Variants in SLC4A2 observed in about 807,000 individuals in gnomAD.
SLC4A2 encodes the protein anion exchange protein 2.
In SLC4A2, 36 loss-of-function variants were observed where a neutral mutation model predicts 115.0. The observed-to-expected ratio is 0.31, with a 90% CI of 0.24 to 0.41. SLC4A2 has a LOEUF of 0.41. SLC4A2 is among the 10% of genes least tolerant of loss of function. SLC4A2 has a pLI of 1.00. For missense variants in SLC4A2, 1,252 were observed against 1,705.6 expected, an observed-to-expected ratio of 0.73 and a Z score of 4.68; for synonymous variants, 708 against 708.3, an observed-to-expected ratio of 1.00 and a Z score of 0.01.
intron 5 of SLC4A2, 137 bp downstream of exon 5, chr7:151,065,103 CAAGTAACTTAATT>C: frequency 1.5e-6 from 1 of 683,414 alleles, no homozygotes; most frequent in Non-Finnish European, 2.6e-6. Context: ...ACTGGCTGGG[CAAGTAACTTAATT>C]AAGCTCTCCA....
rs766724615 is a variant in SLC4A2 at position 151,070,449 on chromosome 7, T to TC, written c.1450-3dup. On this transcript the variant is annotated splice_region_variant and splice_polypyrimidine_tract_variant and intron_variant, in intron 10 of 22. Coordinates refer to ENST00000413384, the MANE Select transcript of SLC4A2 (RefSeq NM_003040.4). Reference sequence around the variant, plus strand: ...CTGGCTGGGCTGAGCCCTGTCTGTGTCCCCCAGCGTGAGCTGCCGCCTCCA... The same window carrying TC: ...CTGGCTGGGCTGAGCCCTGTCTGTGTCCCCCCAGCGTGAGCTGCCGCCTCCA... 24 of 1,611,350 alleles carry TC rather than the reference T, an allele frequency of 1.5e-5. No individual in the cohort carries two copies. The highest frequency in any genetic ancestry group is 2.0e-5 in the Non-Finnish European group (24 of 1,178,960).
chr7:151,070,107 G>T lies in SLC4A2; in HGVS notation c.1283+25G>T, dbSNP rs552893492. 8.7e-5 allele frequency: 141 copies of T among 1,613,962 alleles called. 1 individual carries two copies. In the South Asian group the frequency reaches 1.5e-3, roughly 17 times the overall value. ...GGTGAGGCCCTGTGGGCCAGTTGGGGATGACACTTCAGCCCACCTGCCCTG... is the reference window on the plus strand; with the variant it reads ...GGTGAGGCCCTGTGGGCCAGTTGGGTATGACACTTCAGCCCACCTGCCCTG... On this transcript the variant is annotated intron_variant, in intron 9 of 22. Transcript: ENST00000413384.
chr7:151,067,510 T>C (rs1342000468), intron 7 of SLC4A2, among the ~76,000 whole-genome samples: 1 of 152,214 alleles, frequency 6.6e-6, no homozygotes, highest in Non-Finnish European at 1.5e-5. Context: ...GATTTGAGTA[T>C]TGTGGTTATA....
intron 2 of SLC4A2, chr7:151,062,886 C>T: frequency 7.2e-7 from 1 of 1,392,570 alleles, no homozygotes; most frequent in Non-Finnish European, 9.3e-7. Flanking sequence ...CCAGTCCCCA[C>T]CTCGCCCCTA....
intron 7 of SLC4A2, 33 bp downstream of exon 7, chr7:151,067,026 C>T (rs1797259799): frequency 6.4e-7 from 1 of 1,550,388 alleles, no homozygotes; most frequent in Non-Finnish European, 8.7e-7. Flanking sequence ...CTTCCATCAA[C>T]TTCCCACACG....
rs1390579375 is a variant in SLC4A2, at chr7:151,075,343, T to G, written c.3136T>G (p.Cys1046Gly). Residue 1046 changes from cysteine (C) to glycine (G), a missense_variant, in exon 20 of 23, where the codon TGT (cysteine) becomes GGT (glycine). Cys to Gly is a radical substitution (Grantham distance 159). Around this residue, in one of 14 missense-constraint regions of SLC4A2, gnomAD observed 253 missense variants for 407.4 expected, o/e 0.62. Transcript: ENST00000413384. Reference sequence around the variant, plus strand: ...GCTCATCGTGGCCATGGGCGGCATCTGTGCCCTCTTTGGCCTGCCCTGGTT... The same window carrying G: ...GCTCATCGTGGCCATGGGCGGCATCGGTGCCCTCTTTGGCCTGCCCTGGTT... The part of the protein sequence containing the change: ...LLLIVAMGGI[C>G]ALFGLPWLAA... 4 of 1,613,006 alleles carry G rather than the reference T, an allele frequency of 2.5e-6. No homozygotes were observed. The highest frequency in any genetic ancestry group is 3.4e-6 in the Non-Finnish European group (4 of 1,180,038).
intron 16 of SLC4A2, among the ~76,000 whole-genome samples, chr7:151,073,026 C>T (rs1451821035): frequency 6.6e-6 from 1 of 152,168 alleles, no homozygotes; most frequent in Non-Finnish European, 1.5e-5. Flanking sequence ...GCCATTAGAG[C>T]TCACTGTTAG....
At position 151,070,617 on chromosome 7, in the gene SLC4A2, G is replaced by A; in HGVS notation, c.1564+46G>A. On this transcript the variant is annotated intron_variant, in intron 11 of 22. Transcript: ENST00000413384. ...GTAGGGGGCTTGGTGGCCAGGCCTT[G>A]AGGCAGAGTCCTGTAGTCTCCCTGG... The A allele has an allele frequency of 1.9e-6, 3 of 1,600,796 alleles. No individual in the cohort carries two copies. The East Asian group carries it at 6.7e-5, about 36-fold the overall frequency.
At chr7:151,068,708 T>G (rs183481169) in intron 8 of SLC4A2, among the ~76,000 whole-genome samples, 170 of 151,820 alleles carry the variant, frequency 1.1e-3, no homozygotes, top group African/African-American at 4.0e-3. Flanking sequence ...TTAGTAGAGA[T>G]GGGGTTTCAC....
rs752382376 is a variant in SLC4A2 at position 151,070,039 on chromosome 7, G to A, written c.1240G>A (p.Glu414Lys). 17 of 1,614,020 alleles carry A rather than the reference G, an allele frequency of 1.1e-5. No individual in the cohort carries two copies. Among genetic ancestry groups the A allele is most frequent in the African/African-American group, 2.7e-5 (2 of 74,928 alleles). ...GGTCATCTCTGACCAGATCAAGGCC[G>A]AGGACAGGGCCAACGTGCTGCGGGC... ...QMVISDQIKAEDRANVLRALL... is the reference protein window; with the variant it reads ...QMVISDQIKAKDRANVLRALL... Residue 414 changes from glutamate to lysine, a missense_variant, in exon 9 of 23, where the codon GAG becomes AAG. Physicochemically the swap from Glu to Lys is moderately conservative, Grantham distance 56 (BLOSUM62 1). Transcript: ENST00000413384.
chr7:151,064,461 A>G (rs2303930), intron 3 of SLC4A2, 65 bp from the exon 4 acceptor site: 549,793 of 1,563,010 alleles, frequency 0.35, 98,054 homozygotes, highest in Middle Eastern at 0.37. Context: ...GAGTGGGGCT[A>G]GGGGGCAGGA....
intron 16 of SLC4A2, among the ~76,000 whole-genome samples, chr7:151,073,806 G>C (rs1563362237): frequency 6.6e-6 from 1 of 152,112 alleles, no homozygotes; most frequent in African/African-American, 2.4e-5. Flanking sequence ...GGCCTGGCTG[G>C]TGCCACTCAC....
intron 16 of SLC4A2, 107 bp downstream of exon 16, chr7:151,072,243 A>G (rs1242200009): frequency 2.2e-6 from 2 of 907,094 alleles, no homozygotes; most frequent in Non-Finnish European, 3.4e-6. Flanking sequence ...GGTCTGGAGC[A>G]TCCCCGGGGC....
chr7:151,072,590 C>A (rs549176374), intron 16 of SLC4A2, among the ~76,000 whole-genome samples: 1 of 152,180 alleles, frequency 6.6e-6, no homozygotes, highest in East Asian at 1.9e-4. Flanking sequence ...CACACCTGGC[C>A]TTAATTTATT....
chr7:151,063,917 T>TG (rs1797138764), intron 2 of SLC4A2, among the ~76,000 whole-genome samples: 2 of 152,020 alleles, frequency 1.3e-5, no homozygotes, highest in Admixed American at 1.3e-4. Flanking sequence ...TTAGTAGAGA[T>TG]GGGGTTTCAC....
In SLC4A2 at chr7:151,075,706, G is replaced by C; in HGVS notation, c.3402G>C (p.Gln1134His). The C allele has an allele frequency of 1.2e-6, 2 of 1,612,044 alleles. No homozygotes were observed. Among genetic ancestry groups the C allele is most frequent in the African/African-American group, 1.3e-5 (1 of 75,002 alleles). ...YMGVTSLNGI[Q>H]FYERLHLLLM... The stretch of plus-strand genomic sequence containing the variant: ...GAGTCACCTCCCTTAACGGGATCCA[G>C]TTCTATGAGCGGCTGCATCTGCTGC... Residue 1134 changes from glutamine (Q) to histidine (H), a missense_variant, in exon 21 of 23, where the codon CAG becomes CAC. This residue lies in a region of SLC4A2 where 253 missense variants were observed against 407.4 expected (regional missense o/e 0.62). Transcript: ENST00000413384.
At position 151,075,732 on chromosome 7, in the gene SLC4A2, T is replaced by C; in HGVS notation, c.3428T>C (p.Leu1143Pro). The change falls in exon 21 of 23, where the codon CTC becomes CCC. Residue 1143 changes from leucine (L) to proline (P), a missense_variant. By Grantham distance (98) the Leu-to-Pro change is moderately conservative. This residue lies in a region of SLC4A2 where 253 missense variants were observed against 407.4 expected (regional missense o/e 0.62). Coordinates refer to ENST00000413384, the MANE Select transcript of SLC4A2 (RefSeq NM_003040.4). ...TTCTATGAGCGGCTGCATCTGCTGC[T>C]CATGCCGCCCAAACACCACCCAGAT... ...IQFYERLHLL[L>P]MPPKHHPDVT... 6.2e-7 allele frequency: 1 copy of C among 1,610,812 alleles called. No homozygotes were observed. Among genetic ancestry groups the C allele is most frequent in the Non-Finnish European group, 8.5e-7 (1 of 1,177,292 alleles).
At chr7:151,067,658 T>G (rs1167956354) in intron 7 of SLC4A2, among the ~76,000 whole-genome samples, 1 of 152,228 alleles carries the variant, frequency 6.6e-6, no homozygotes, top group Non-Finnish European at 1.5e-5. Context: ...GAGGTGGGTA[T>G]TATTCCCATT....
rs765272940 is a variant in SLC4A2 at position 151,071,488 on chromosome 7, C to A, written c.2074C>A (p.Arg692Ser). 6.2e-7 allele frequency: 1 copy of A among 1,613,018 alleles called. No individual in the cohort carries two copies. The highest frequency in any genetic ancestry group is 8.5e-7 in the Non-Finnish European group (1 of 1,179,984). ...GGGGCTGATCCGAGATGTGCGGCGC[C>A]GCTATCCCCACTACCTGAGTGACTT... ...FGGLIRDVRR[R>S]YPHYLSDFRD... is the part of the protein sequence containing the mutation. Residue 692 changes from arginine (R) to serine (S), a missense_variant, in exon 14 of 23, where the codon CGC becomes AGC. Physicochemically the swap from Arg to Ser is moderately radical, Grantham distance 110. This residue lies in a region of SLC4A2 where 122 missense variants were observed against 116.8 expected (regional missense o/e 1.04). Transcript: ENST00000413384. The surrounding 1 kb of genome is among the most constrained non-coding windows in gnomAD (Gnocchi z 5.5).
Sources: gnomAD v4.1 joint callset for allele counts (sites outside exome capture counted in the v4.1 genomes callset) on GRCh38, gnomAD v4.1.1 for gene constraint, gnomAD v4.1.1 regional missense constraint, Gnocchi (gnomAD v3.1) non-coding constraint, MANE v1.5 for transcripts, NCBI Gene and HGNC (gene_info 2026-07-23, HGNC 2026-07-21) for gene names.